CDR2L: variants seen among roughly 807,000 people sequenced by gnomAD.
CDR2L encodes the protein cerebellar degeneration related protein 2 like, also known as cerebellar degeneration-related protein 2-like.
In CDR2L, 19 loss-of-function variants were observed where a neutral mutation model predicts 36.1. That is an observed-to-expected ratio of 0.53 (90% CI 0.37 to 0.77). The LOEUF (loss-of-function observed/expected upper bound fraction) is 0.77. Among genes scored for constraint, CDR2L ranks in the 30% least tolerant of loss-of-function variants. The probability of loss-of-function intolerance (pLI) is 0.00; values close to 1 mark genes in which losing one functional copy is unlikely to be tolerated. For synonymous variants in CDR2L, 285 were observed against 280.4 expected (o/e 1.02, Z -0.16); for missense variants, 575 against 627.2 (o/e 0.92, Z 0.89).
In CDR2L at chr17:75,002,044, G is replaced by A; in HGVS notation, c.342-20G>A. On this transcript the variant is annotated intron_variant, in intron 3 of 4. Coordinates refer to ENST00000337231, the MANE Select transcript of CDR2L (RefSeq NM_014603.3). The surrounding 1 kb of genome is among the most constrained non-coding windows in gnomAD (Gnocchi z 4.1). ...CCCCATCCCCTTAAAGTCCCTGTGT[G>A]TCCACCACCCCGCCCCCAGGCTGAC... 1 of 1,549,688 alleles carries A rather than the reference G, an allele frequency of 6.5e-7. No individual in the cohort carries two copies. Among genetic ancestry groups the A allele is most frequent in the Non-Finnish European group, 8.7e-7 (1 of 1,153,464 alleles).
Position 74,989,030 on chromosome 17 carries a change from G to C in CDR2L, c.79+908G>C, listed in dbSNP as rs1280642287. ...TTGGATGGTGAGAGCTGGAAGGGGC[G>C]AGGAAACATGTCCAGGGAGAAGTGA... On this transcript the variant is annotated intron_variant, in intron 1 of 4. Transcript: ENST00000337231. The surrounding 1 kb of genome is among the most constrained non-coding windows in gnomAD (Gnocchi z 4.2). Among the ~76,000 whole-genome samples the C allele has an allele frequency of 6.6e-6, 1 of 151,986 alleles. No homozygotes were observed. Among genetic ancestry groups the C allele is most frequent in the African/African-American group, 2.4e-5 (1 of 41,316 alleles).
In CDR2L at chr17:75,000,601, A is replaced by C. The variant is rs117213455; in HGVS notation, c.193-740A>C. On this transcript the variant is annotated intron_variant, in intron 2 of 4. Coordinates refer to ENST00000337231, the MANE Select transcript of CDR2L (RefSeq NM_014603.3). Reference sequence around the variant, plus strand: ...GTGTGAGCCATCACGCCGGGCATAAAAAAGATTTTAGAAGTTAAAAAAAAA... The same window carrying C: ...GTGTGAGCCATCACGCCGGGCATAACAAAGATTTTAGAAGTTAAAAAAAAA... Among the ~76,000 whole-genome samples, 843 of 139,868 alleles carry C rather than the reference A, an allele frequency of 6.0e-3. 40 individuals carry two copies. In the East Asian group the frequency reaches 0.12, roughly 20 times the overall value. 91.8% of individuals were successfully genotyped at this position (139,868 alleles called of 152,430 possible). A position where few individuals can be genotyped will look rare whatever the true frequency, so the allele number is the denominator to read the frequency against.
At chr17:75,003,093 G>T in intron 4 of CDR2L, 90 bp from the exon 5 acceptor site, 1 of 1,352,762 alleles carries the variant, frequency 7.4e-7, no homozygotes, top group Admixed American at 2.4e-5. Context: ...AGATGTAAGC[G>T]CCCTGGCTGG....
chr17:75,001,819 AG>A (rs1429441804), intron 3 of CDR2L, among the ~76,000 whole-genome samples: 1 of 152,182 alleles, frequency 6.6e-6, no homozygotes, highest in Non-Finnish European at 1.5e-5. Context: ...TAAGTGATAG[AG>A]GAGTGACAAG....
In CDR2L at chr17:75,002,764, C is replaced by A. The variant is rs1158512872; in HGVS notation, c.507-419C>A. Among the ~76,000 whole-genome samples, 1 of 152,140 alleles carries A rather than the reference C, an allele frequency of 6.6e-6. No homozygotes were observed. On this transcript the variant is annotated intron_variant, in intron 4 of 4. Transcript: ENST00000337231. This position sits in a 1 kb window ranked among gnomAD's most constrained non-coding sequence, Gnocchi z 4.1. ...ACACTATAGTGCCCCAGGGTTGCAGCAGAGAGGAGCTGCCACCAGCCCTAG... is the reference window on the plus strand; with the variant it reads ...ACACTATAGTGCCCCAGGGTTGCAGAAGAGAGGAGCTGCCACCAGCCCTAG...
Position 75,003,617 on chromosome 17 carries a change from G to C in CDR2L, c.941G>C (p.Arg314Pro). 6.8e-7 allele frequency: 1 copy of C among 1,480,420 alleles called. No homozygotes were observed. The highest frequency in any genetic ancestry group is 9.0e-7 in the Non-Finnish European group (1 of 1,116,342). The allele number at this position is 1,480,420 out of a possible 1,614,324, so 91.7% of individuals were successfully genotyped here. A position where few individuals can be genotyped will look rare whatever the true frequency, so the allele number is the denominator to read the frequency against. ...GCAGCCTCTCCAGGCCACGTGGTGCGCAAGAGCTGCAGCGACACTGCGCTC... is the reference window on the plus strand; with the variant it reads ...GCAGCCTCTCCAGGCCACGTGGTGCCCAAGAGCTGCAGCGACACTGCGCTC... ...SPAASPGHVV[R>P]KSCSDTALNA... is the part of the protein sequence containing the mutation. Residue 314 changes from arginine to proline, a missense_variant, in exon 5 of 5, where the codon CGC becomes CCC. Physicochemically the swap from Arg to Pro is moderately radical, Grantham distance 103 (BLOSUM62 -2). Coordinates refer to ENST00000337231, the MANE Select transcript of CDR2L (RefSeq NM_014603.3).
At position 74,999,632 on chromosome 17, in the gene CDR2L, G is replaced by C; in HGVS notation, c.192+16G>C. On this transcript the variant is annotated intron_variant, in intron 2 of 4. Transcript: ENST00000337231. ...GGAGATCGAGGTGAGGGCCCTGCATGTGCTTGCCCACACCCCTCGAGGGCC... is the reference window on the plus strand; with the variant it reads ...GGAGATCGAGGTGAGGGCCCTGCATCTGCTTGCCCACACCCCTCGAGGGCC... The C allele has an allele frequency of 6.8e-7, 1 of 1,476,854 alleles. No homozygotes were observed. The highest frequency in any genetic ancestry group is 9.3e-7 in the Non-Finnish European group (1 of 1,080,938). The allele number at this position is 1,476,854 out of a possible 1,614,324, so 91.5% of individuals were successfully genotyped here.
In CDR2L at chr17:75,003,972, C is replaced by A; in HGVS notation, c.1296C>A (p.Ser432Arg). The A allele has an allele frequency of 6.2e-7, 1 of 1,609,546 alleles. No individual in the cohort carries two copies. The highest frequency in any genetic ancestry group is 8.5e-7 in the Non-Finnish European group (1 of 1,178,164). The change falls in exon 5 of 5, where the codon AGC becomes AGA. Residue 432 changes from serine (S) to arginine (R), a missense_variant. Ser to Arg is a moderately radical substitution (Grantham distance 110). Transcript: ENST00000337231. ...VEAVDKRLEQ[S>R]QPEYKALFKE... ...CCGTGGACAAGCGGCTGGAACAGAG[C>A]CAGCCCGAGTACAAGGCGCTCTTCA...
Position 74,987,934 on chromosome 17 carries a change from C to T in CDR2L, c.-110C>T, listed in dbSNP as rs1054146340. 1.9e-5 allele frequency: 9 copies of T among 470,642 alleles called. No individual in the cohort carries two copies. The East Asian group carries it at 3.5e-4, about 18-fold the overall frequency. 29.2% of individuals were successfully genotyped at this position (470,642 alleles called of 1,614,324 possible). A position where few individuals can be genotyped will look rare whatever the true frequency, so the allele number is the denominator to read the frequency against. The stretch of plus-strand genomic sequence containing the variant: ...AGGGGGCGCGGCGCGGGCTCTGTAG[C>T]CCGAGTTCCCGACGCTGGAGGCCCG... On this transcript the variant is annotated 5_prime_UTR_variant, in exon 1 of 5. Coordinates refer to ENST00000337231, the MANE Select transcript of CDR2L (RefSeq NM_014603.3).
Position 74,991,950 on chromosome 17 carries a change from G to A in CDR2L, c.79+3828G>A, listed in dbSNP as rs191921081. Among the ~76,000 whole-genome samples, 497 of 152,188 alleles carry A rather than the reference G, an allele frequency of 3.3e-3. 19 individuals are homozygous for A. The highest frequency in any genetic ancestry group is 0.03 in the Admixed American group (451 of 15,286). On this transcript the variant is annotated intron_variant, in intron 1 of 4. Transcript: ENST00000337231. ...CTCAGGAGAGCTCTGACCTGGCAAC[G>A]GGAGGGAGGTCCTGCCTCCACCCTG...
chr17:75,001,497 C>A lies in CDR2L; in HGVS notation c.341+8C>A. 6.5e-7 allele frequency: 1 copy of A among 1,540,350 alleles called. No homozygotes were observed. Among genetic ancestry groups the A allele is most frequent in the Non-Finnish European group, 8.7e-7 (1 of 1,145,604 alleles). On this transcript the variant is annotated splice_region_variant and intron_variant, in intron 3 of 4. Coordinates refer to ENST00000337231, the MANE Select transcript of CDR2L (RefSeq NM_014603.3). ...CCAGCAGAAGATCCATGGGTGAGGG[C>A]CCGGCTGAGGGCTGGGGGGCGGGCG...
rs527766119 is a variant in CDR2L at position 75,003,719 on chromosome 17, G to A, written c.1043G>A (p.Arg348Gln). Reference protein sequence around the residue: ...LTLHANSVRKRGMSILREVDE... With the variant: ...LTLHANSVRKQGMSILREVDE... Reference sequence around the variant, plus strand: ...CTGCACGCCAACAGCGTGCGCAAGCGGGGCATGTCCATCCTGCGGGAGGTG... The same window carrying A: ...CTGCACGCCAACAGCGTGCGCAAGCAGGGCATGTCCATCCTGCGGGAGGTG... Residue 348 changes from arginine to glutamine, a missense_variant, in exon 5 of 5, where the codon CGG becomes CAG. Physicochemically the swap from Arg to Gln is conservative, Grantham distance 43 (BLOSUM62 1). Transcript: ENST00000337231. 4.1e-6 allele frequency: 6 copies of A among 1,466,144 alleles called. No individual in the cohort carries two copies. Among genetic ancestry groups the A allele is most frequent in the Admixed American group, 2.7e-5 (1 of 37,664 alleles). The allele number at this position is 1,466,144 out of a possible 1,614,324, so 90.8% of individuals were successfully genotyped here. A position where few individuals can be genotyped will look rare whatever the true frequency, so the allele number is the denominator to read the frequency against.
chr17:74,995,838 A>AT (rs1377893734), intron 1 of CDR2L, among the ~76,000 whole-genome samples: 4 of 152,072 alleles, frequency 2.6e-5, no homozygotes, highest in Non-Finnish European at 5.9e-5. Context: ...GTACTGTTTG[A>AT]TTTTTTTACA....
Position 74,989,314 on chromosome 17 carries a change from G to A in CDR2L, c.79+1192G>A, listed in dbSNP as rs941825686. 6.6e-6 allele frequency among the ~76,000 whole-genome samples: 1 copy of A among 152,036 alleles called. No homozygotes were observed. Among genetic ancestry groups the A allele is most frequent in the Non-Finnish European group, 1.5e-5 (1 of 68,004 alleles). ...TTAATCATAGCCTCAGGGGGACCAG[G>A]GTGGGACTGGGGATGCTGGACTAGG... is the stretch of plus-strand genomic sequence containing the variant. On this transcript the variant is annotated intron_variant, in intron 1 of 4. Transcript: ENST00000337231. This position sits in a 1 kb window ranked among gnomAD's most constrained non-coding sequence, Gnocchi z 4.2.
intron 3 of CDR2L, 23 bp downstream of exon 3, chr17:75,001,512 G>C (rs762170939): frequency 1.4e-5 from 21 of 1,509,456 alleles, no homozygotes; most frequent in Non-Finnish European, 1.7e-5. Flanking sequence ...CTGAGGGCTG[G>C]GGGGCGGGCG....
At chr17:74,990,569 C>T (rs2039790442) in intron 1 of CDR2L, among the ~76,000 whole-genome samples, 1 of 152,226 alleles carries the variant, frequency 6.6e-6, no homozygotes, top group South Asian at 2.1e-4. Context: ...AGGTTTATGC[C>T]AAGGCCCTTT....
At position 75,003,350 on chromosome 17, in the gene CDR2L, A is replaced by G; in HGVS notation, c.674A>G (p.Gln225Arg). The change falls in exon 5 of 5, where the codon CAG becomes CGG. Residue 225 changes from glutamine (Q) to arginine (R), a missense_variant. By Grantham distance (43) the Gln-to-Arg change is conservative. Transcript: ENST00000337231. ...GAGCGCGAGTACACCGCGGTGCTGC[A>G]GGAGTACTCGGAGCTGGAGCGCCAG... ...RAEREYTAVL[Q>R]EYSELERQLC... The G allele has an allele frequency of 6.4e-7, 1 of 1,557,756 alleles. No homozygotes were observed. Among genetic ancestry groups the G allele is most frequent in the Non-Finnish European group, 8.7e-7 (1 of 1,151,594 alleles).
At chr17:74,992,176 G>C (rs995005763) in intron 1 of CDR2L, among the ~76,000 whole-genome samples, 9 of 152,142 alleles carry the variant, frequency 5.9e-5, no homozygotes, top group African/African-American at 2.2e-4. Context: ...TGTGGTGCCC[G>C]AGCCAGTGAG....
intron 1 of CDR2L, among the ~76,000 whole-genome samples, chr17:74,992,184 G>A (rs2039801197): frequency 6.6e-6 from 1 of 152,134 alleles, no homozygotes; most frequent in South Asian, 2.1e-4. Context: ...CCGAGCCAGT[G>A]AGGGACAGTG....
Sources: allele counts gnomAD v4.1 joint callset (sites outside exome capture counted in the v4.1 genomes callset), GRCh38; gene constraint gnomAD v4.1.1; non-coding constraint Gnocchi (gnomAD v3.1); transcripts MANE v1.5; gene names NCBI Gene and HGNC (gene_info 2026-07-23, HGNC 2026-07-21).